Variants in TTN observed in about 807,000 individuals in gnomAD.
TTN encodes the protein connectin.
Under a neutral mutation model 3,223.0 loss-of-function variants are expected in TTN, and 1,525 were observed. The ratio of observed to expected loss-of-function variants is 0.47; its 90% CI spans 0.45 to 0.49. The LOEUF is 0.49. TTN is among the 20% of genes least tolerant of loss of function. TTN has a pLI of 0.00. For missense variants in TTN, 40,786 were observed against 43,424.0 expected (o/e 0.94, Z 5.40); for synonymous variants, 14,094 against 15,161.0 (o/e 0.93, Z 5.17).
At chr2:178,714,964 A>G (rs750510201) in intron 90 of TTN, 22 bp downstream of exon 90, 8 of 1,587,374 alleles carry the variant, frequency 5.0e-6, no homozygotes, top group Non-Finnish European at 6.9e-6. Flanking sequence ...TAGTGAGCAG[A>G]AGTGAATGCA....
chr2:178,673,155 G>A (rs2067309120), intron 152 of TTN, among the ~76,000 whole-genome samples: 1 of 151,842 alleles, frequency 6.6e-6, no homozygotes, highest in African/African-American at 2.4e-5. Context: ...GAATTAGGAA[G>A]CAGGGAAAAG....
At position 178,727,371 on chromosome 2, in the gene TTN, T is replaced by C. The variant is rs2079522611; in HGVS notation, c.19994A>G (p.Glu6665Gly). Residue 6665 changes from glutamate (E) to glycine (G), a missense_variant and splice_region_variant, in exon 69 of 363, where the codon GAA (glutamate) becomes GGA (glycine). Glu to Gly is a moderately conservative substitution (Grantham distance 98, BLOSUM62 -2). Transcript: ENST00000589042. Reference protein sequence around the residue: ...DSCTTMLLVTEPPKFVKKLEA... With the variant: ...DSCTTMLLVTGPPKFVKKLEA... ...TAATTTCTTTACAAACTTTGGTGGT[T>C]CTAAAGAGTCAGGAAAGAGGAGAGT... is the stretch of plus-strand genomic sequence containing the variant. 1 of 1,583,534 alleles carries C rather than the reference T, an allele frequency of 6.3e-7. No individual in the cohort carries two copies. The highest frequency in any genetic ancestry group is 1.4e-5 in the African/African-American group (1 of 73,628).
rs1205041822 is a variant in TTN, at chr2:178,574,908, C to T, written c.71224G>A (p.Asp23742Asn). The change falls in exon 326 of 363, where the codon GAT becomes AAT. Residue 23742 changes from aspartate (D) to asparagine (N), a missense_variant. By Grantham distance (23) the Asp-to-Asn change is conservative. Coordinates refer to ENST00000589042, the MANE Select transcript of TTN (RefSeq NM_001267550.2). Reference sequence around the variant, plus strand: ...GGGTCCCAAGAGAAGGTTACAAAATCAGATGAAACTTCATCAAATTTGATT... The same window carrying T: ...GGGTCCCAAGAGAAGGTTACAAAATTAGATGAAACTTCATCAAATTTGATT... ...GPIKFDEVSS[D>N]FVTFSWDPPE... 6.2e-7 allele frequency: 1 copy of T among 1,612,818 alleles called. No individual in the cohort carries two copies. Among genetic ancestry groups the T allele is most frequent in the Non-Finnish European group, 8.5e-7 (1 of 1,179,384 alleles).
rs762425333 is a variant in TTN at position 178,677,701 on chromosome 2, T to C, written c.34211A>G (p.Tyr11404Cys). The C allele has an allele frequency of 4.3e-6, 7 of 1,612,806 alleles. No individual in the cohort carries two copies. The highest frequency in any genetic ancestry group is 5.9e-6 in the Non-Finnish European group (7 of 1,179,202). Reference protein sequence around the residue: ...EEEEVPPEEEYVPEEEEFVPE... With the variant: ...EEEEVPPEEECVPEEEEFVPE... ...TACAAATTCTTCTTCCTCAGGTACATATTCTTCTTCGGGAGGAACTTCCTC... is the reference window on the plus strand; with the variant it reads ...TACAAATTCTTCTTCCTCAGGTACACATTCTTCTTCGGGAGGAACTTCCTC... The change falls in exon 146 of 363, where the codon TAT becomes TGT. Residue 11404 changes from tyrosine (Y) to cysteine (C), a missense_variant. Physicochemically the swap from Tyr to Cys is radical, Grantham distance 194 (BLOSUM62 -2). Transcript: ENST00000589042.
rs778126523 is a variant in TTN, at chr2:178,591,110, T to G, written c.60615A>C (p.Ile20205=). The G allele has an allele frequency of 3.7e-6, 6 of 1,613,200 alleles. No homozygotes were observed. The African/African-American group carries it at 4.0e-5, about 11-fold the overall frequency. ...PPKDDGGSPV[I]NYIVEKQDTR... is the part of the protein sequence containing the mutation. ...TATCTTGTTTCTCAACAATATAATT[T>G]ATCACAGGGCTTCCTCCATCATCCT... Residue 20205 remains isoleucine, a synonymous_variant, in exon 304 of 363, where the codon ATA becomes ATC. Transcript: ENST00000589042.
intron 127 of TTN, among the ~76,000 whole-genome samples, chr2:178,687,197 T>A (rs983915376): frequency 3.9e-5 from 6 of 152,252 alleles, no homozygotes; most frequent in Non-Finnish European, 5.9e-5. Context: ...ATTCTACTCA[T>A]CTTCTCACTG....
At chr2:178,746,393 A>G in intron 47 of TTN, 2 of 1,609,568 alleles carry the variant, frequency 1.2e-6, no homozygotes, top group Non-Finnish European at 1.7e-6. Flanking sequence ...GTCAGGAGTA[A>G]ATTCGGGAAC....
At position 178,634,234 on chromosome 2, in the gene TTN, G is replaced by A. The variant is rs191967787; in HGVS notation, c.42415+132C>T. The A allele has an allele frequency of 6.8e-6, 10 of 1,471,150 alleles. No homozygotes were observed. The East Asian group carries it at 2.2e-4, about 32-fold the overall frequency. The allele number at this position is 1,471,150 out of a possible 1,614,324, so 91.1% of individuals were successfully genotyped here. On this transcript the variant is annotated intron_variant, in intron 230 of 362. Coordinates refer to ENST00000589042, the MANE Select transcript of TTN (RefSeq NM_001267550.2). The surrounding 1 kb of genome is among the most constrained non-coding windows in gnomAD (Gnocchi z 4.6). Reference sequence around the variant, plus strand: ...GCTCCACTAAAAACAAATTAAGGGGGGTTGTTTTGGTAACACTGTGAAAGT... The same window carrying A: ...GCTCCACTAAAAACAAATTAAGGGGAGTTGTTTTGGTAACACTGTGAAAGT...
rs759166844 is a variant in TTN, at chr2:178,722,739, A to C, written c.22160T>G (p.Ile7387Ser). 3 of 1,613,204 alleles carry C rather than the reference A, an allele frequency of 1.9e-6. No homozygotes were observed. The South Asian group carries it at 3.3e-5, about 18-fold the overall frequency. Residue 7387 changes from isoleucine to serine, a missense_variant, in exon 76 of 363, where the codon ATC (isoleucine) becomes AGC (serine). Transcript: ENST00000589042. ...GCATGTGTACTCTCCACTGTCATTG[A>C]TGTTCACTTTATTAAAAACAAGTGT... is the stretch of plus-strand genomic sequence containing the variant. Reference protein sequence around the residue: ...VATLVFNKVNINDSGEYTCKA... With the variant: ...VATLVFNKVNSNDSGEYTCKA...
intron 47 of TTN, chr2:178,751,117 C>T: frequency 6.2e-7 from 1 of 1,612,794 alleles, no homozygotes; most frequent in South Asian, 1.1e-5. Context: ...AATGATCTAC[C>T]TTATAACTTT....
In TTN at chr2:178,599,205, T is replaced by C; in HGVS notation, c.56588A>G (p.Asn18863Ser). The change falls in exon 290 of 363, where the codon AAT becomes AGT. Residue 18863 changes from asparagine to serine, a missense_variant. Physicochemically the swap from Asn to Ser is conservative, Grantham distance 46. Transcript: ENST00000589042. ...HEYVFRIMAQ[N>S]KYGIGEPLDS... Reference sequence around the variant, plus strand: ...AAGAGGTTCTCCAATGCCATATTTATTCTGGGCCATGATTCGGAATACATA... The same window carrying C: ...AAGAGGTTCTCCAATGCCATATTTACTCTGGGCCATGATTCGGAATACATA... The C allele has an allele frequency of 6.6e-7, 1 of 1,521,998 alleles. No individual in the cohort carries two copies. Among genetic ancestry groups the C allele is most frequent in the South Asian group, 1.4e-5 (1 of 71,784 alleles). 94.3% of individuals were successfully genotyped at this position (1,521,998 alleles called of 1,614,324 possible).
chr2:178,674,558 G>T, intron 150 of TTN, 149 bp from the exon 151 acceptor site: 1 of 411,354 alleles, frequency 2.4e-6, no homozygotes. Context: ...TTCAAAATAT[G>T]TTAGGCATAT....
rs948392484 is a variant in TTN at position 178,751,124 on chromosome 2, C to T, written c.11311+2000G>A. On this transcript the variant is annotated intron_variant, in intron 47 of 362. Transcript: ENST00000589042. ...CTCAGCTGAATGATCTACCTTATAACTTTCAGCTAGATCAGACATAGATCT... is the reference window on the plus strand; with the variant it reads ...CTCAGCTGAATGATCTACCTTATAATTTTCAGCTAGATCAGACATAGATCT... 3.1e-6 allele frequency: 5 copies of T among 1,612,706 alleles called. No homozygotes were observed. The African/African-American group carries it at 5.3e-5, about 17-fold the overall frequency.
At chr2:178,747,651 C>T (rs534889797) in intron 47 of TTN, 1 of 1,613,256 alleles carries the variant, frequency 6.2e-7, no homozygotes, top group Non-Finnish European at 8.5e-7. Context: ...GTTTCAGGAA[C>T]CTCACGCTTT....
At position 178,590,011 on chromosome 2, in the gene TTN, G is replaced by C; in HGVS notation, c.61714C>G (p.Pro20572Ala). The change falls in exon 304 of 363, where the codon CCT (proline) becomes GCT (alanine). Residue 20572 changes from proline (P) to alanine (A), a missense_variant. Transcript: ENST00000589042. ...TTGGTAACCTTCAAATTCTGGCAAG[G>C]CCCAGGTCTGTCAAGGACGTTAACG... ...AIVNVLDRPG[P>A]CQNLKVTNVT... 6.8e-6 allele frequency: 11 copies of C among 1,613,150 alleles called. No homozygotes were observed. The highest frequency in any genetic ancestry group is 9.3e-6 in the Non-Finnish European group (11 of 1,179,474).
In TTN at chr2:178,614,208, C is replaced by T. The variant is rs397517595; in HGVS notation, c.49189G>A (p.Val16397Met). The T allele has an allele frequency of 6.2e-7, 1 of 1,612,442 alleles. No individual in the cohort carries two copies. Among genetic ancestry groups the T allele is most frequent in the Non-Finnish European group, 8.5e-7 (1 of 1,179,250 alleles). The change falls in exon 262 of 363, where the codon GTG becomes ATG. Residue 16397 changes from valine to methionine, a missense_variant. Val to Met is a conservative substitution (Grantham distance 21). Coordinates refer to ENST00000589042, the MANE Select transcript of TTN (RefSeq NM_001267550.2). The stretch of plus-strand genomic sequence containing the variant: ...ACGGTGGATGAGAGCTTGTGCCACA[C>T]TTCACTATCAGTTGCTCGTCTCTCC... ...VVERRATDSE[V>M]WHKLSSTVKD... is the part of the protein sequence containing the mutation.
In TTN at chr2:178,722,877, G is replaced by T. The variant is rs1474346427; in HGVS notation, c.22022C>A (p.Ser7341Tyr). The T allele has an allele frequency of 6.2e-7, 1 of 1,612,976 alleles. No individual in the cohort carries two copies. The highest frequency in any genetic ancestry group is 8.5e-7 in the Non-Finnish European group (1 of 1,179,406). The stretch of plus-strand genomic sequence containing the variant: ...TGTCCCAGCAACTTGGCATTGTAAA[G>T]AAACCGAATCTCCAACTGCTGCCTC... Reference protein sequence around the residue: ...PLEAAVGDSVSLQCQVAGTPE... With the variant: ...PLEAAVGDSVYLQCQVAGTPE... The change falls in exon 76 of 363, where the codon TCT becomes TAT. Residue 7341 changes from serine to tyrosine, a missense_variant. By Grantham distance (144) the Ser-to-Tyr change is moderately radical (BLOSUM62 -2). Transcript: ENST00000589042.
At position 178,553,838 on chromosome 2, in the gene TTN, C is replaced by T. The variant is rs777375867; in HGVS notation, c.89198-31G>A. ...ATGGCCATTCACAATAAAATAATTA[C>T]ACAATCATGTACAATTTAGTCACAC... On this transcript the variant is annotated intron_variant, in intron 333 of 362. Transcript: ENST00000589042. The T allele has an allele frequency of 2.1e-5, 33 of 1,565,160 alleles. No individual in the cohort carries two copies. In the South Asian group the frequency reaches 4.0e-4, roughly 19 times the overall value.
Position 178,598,559 on chromosome 2 carries a change from C to T in TTN, c.57058G>A (p.Val19020Ile). 6.2e-7 allele frequency: 1 copy of T among 1,608,624 alleles called. No individual in the cohort carries two copies. The highest frequency in any genetic ancestry group is 1.7e-5 in the Admixed American group (1 of 58,662). The change falls in exon 292 of 363, where the codon GTA (valine) becomes ATA (isoleucine). Residue 19020 changes from valine (V) to isoleucine (I), a missense_variant. Physicochemically the swap from Val to Ile is conservative, Grantham distance 29 (BLOSUM62 3). Transcript: ENST00000589042. Reference protein sequence around the residue: ...SPPLKDGGSKVTGYIVEYKEE... With the variant: ...SPPLKDGGSKITGYIVEYKEE... ...TTATATTCAACGATGTATCCAGTTA[C>T]TTTGGATCCACCATCTTTTAGTGGG...
Sources: gnomAD v4.1 joint callset for allele counts (sites outside exome capture counted in the v4.1 genomes callset) on GRCh38, gnomAD v4.1.1 for gene constraint, Gnocchi (gnomAD v3.1) non-coding constraint, MANE v1.5 for transcripts, NCBI Gene and HGNC (gene_info 2026-07-23, HGNC 2026-07-21) for gene names.